Variants in FAM153A observed in about 807,000 individuals in gnomAD.
FAM153A encodes the protein family with sequence similarity 153 member A.
A neutral mutation model predicts 48.1 loss-of-function variants in FAM153A; 12 were observed. The ratio of observed to expected loss-of-function variants is 0.25; its 90% CI spans 0.16 to 0.40. The LOEUF (loss-of-function observed/expected upper bound fraction) is 0.40, where lower values mean the gene tolerates loss of function less well. Among genes scored for constraint, FAM153A ranks in the 10% least tolerant of loss-of-function variants. FAM153A has a pLI of 1.00. For missense variants in FAM153A, 111 were observed against 345.8 expected (o/e 0.32, Z 5.38); for synonymous variants, 36 against 118.2 (o/e 0.30, Z 4.51).
chr5:177,708,584 AAAAAT>A (rs1460947474), downstream of FAM153A, among the ~76,000 whole-genome samples: 1 of 151,896 alleles, frequency 6.6e-6, no homozygotes, highest in Non-Finnish European at 1.5e-5. Flanking sequence ...TCTCAAAATA[AAAAAT>A]AAAATAAAAG....
At position 177,716,601 on chromosome 5, in the gene FAM153A, TTG is replaced by T. The variant is rs1322476165; in HGVS notation, c.*1152-188_*1152-187del. The stretch of plus-strand genomic sequence containing the variant: ...GTCCTGACCAAGTTCCCCCAGAAAT[TTG>T]TGAGTATTCAACTGTATTAAAACTA... On this transcript the variant is annotated intron_variant and NMD_transcript_variant, in intron 24 of 26. Coordinates refer to the FAM153A transcript ENST00000360669. Among the ~76,000 whole-genome samples the T allele has an allele frequency of 3.3e-5, 5 of 151,840 alleles. No homozygotes were observed. In the East Asian group the frequency reaches 5.8e-4, roughly 18 times the overall value.
the FAM153A span, among the ~76,000 whole-genome samples, chr5:177,701,915 T>G: frequency 1.3e-5 from 2 of 151,284 alleles, no homozygotes; most frequent in African/African-American, 4.9e-5. Context: ...AGGTCACTTT[T>G]TTTTTTTTTT....
rs543999452 is a variant in FAM153A, at chr5:177,764,513, G to A, written c.-56-15814C>T. On this transcript the variant is annotated intron_variant, in intron 1 of 8. Transcript: ENST00000393518. ...AACACCTGCGCTAGCCCCAGTGAGG[G>A]AAGCTGGGAAAACCTGGGCTGGGCC... 2.8e-4 allele frequency among the ~76,000 whole-genome samples: 38 copies of A among 133,680 alleles called. 1 individual carries two copies. The highest frequency in any genetic ancestry group is 2.8e-3 in the Admixed American group (36 of 12,966). 87.7% of individuals were successfully genotyped at this position (133,680 alleles called of 152,430 possible). A position where few individuals can be genotyped will look rare whatever the true frequency, so the allele number is the denominator to read the frequency against.
At chr5:177,697,165 A>AT in the FAM153A span, among the ~76,000 whole-genome samples, 3 of 151,026 alleles carry the variant, frequency 2.0e-5, no homozygotes, top group Non-Finnish European at 4.4e-5. Flanking sequence ...AAAGAAGTGC[A>AT]TTTTTTGTAA....
At position 177,716,964 on chromosome 5, in the gene FAM153A, A is replaced by AGTGTGTGTGTGTGTGTGTGTGTGTGT. The variant is rs59312087; in HGVS notation, c.*1151+173_*1151+198dup. Among the ~76,000 whole-genome samples, 26 of 127,714 alleles carry AGTGTGTGTGTGTGTGTGTGTGTGTGT rather than the reference A, an allele frequency of 2.0e-4. No homozygotes were observed. In the East Asian group the frequency reaches 2.5e-3, roughly 12 times the overall value. 83.8% of individuals were successfully genotyped at this position (127,714 alleles called of 152,430 possible). A position where few individuals can be genotyped will look rare whatever the true frequency, so the allele number is the denominator to read the frequency against. ...CAGTAGCATGCCACCATTCCCGCTT[A>AGTGTGTGTGTGTGTGTGTGTGTGTGT]GTGTGTGTGTGTGTGTGTGTGTGTG... On this transcript the variant is annotated intron_variant and NMD_transcript_variant, in intron 24 of 26. Coordinates refer to the FAM153A transcript ENST00000360669.
At chr5:177,757,472 T>C, upstream of FAM153A, among the ~76,000 whole-genome samples, 1 of 123,216 alleles carries the variant, frequency 8.1e-6, no homozygotes. Flanking sequence ...CTCTAACTCA[T>C]TTTATGAGGC....
chr5:177,694,628 G>A, the FAM153A span, among the ~76,000 whole-genome samples: 3 of 76,420 alleles, frequency 3.9e-5, no homozygotes, highest in Non-Finnish European at 7.7e-5. Flanking sequence ...ATAGGATGGC[G>A]CTTGTGCTGT....
At chr5:177,756,216 A>G (rs1197553731), upstream of FAM153A, among the ~76,000 whole-genome samples, 1 of 150,354 alleles carries the variant, frequency 6.7e-6, no homozygotes, top group Non-Finnish European at 1.5e-5. Flanking sequence ...CTTTAAACCA[A>G]CAAAGATCAA....
At chr5:177,755,314 T>C (rs1305681990), upstream of FAM153A, among the ~76,000 whole-genome samples, 1 of 151,612 alleles carries the variant, frequency 6.6e-6, no homozygotes, top group African/African-American at 2.4e-5. Flanking sequence ...AAACAAAGCC[T>C]CCAAGAAATA....
chr5:177,712,137 C>T (rs1758583225), exon 27 of FAM153A: 2 of 151,628 alleles, frequency 1.3e-5, no homozygotes, highest in Non-Finnish European at 2.9e-5. Flanking sequence ...TCTGAAGAGA[C>T]ATCTGAACAA....
At chr5:177,702,810 A>G in the FAM153A span, among the ~76,000 whole-genome samples, 9 of 151,900 alleles carry the variant, frequency 5.9e-5, no homozygotes, top group African/African-American at 1.7e-4. Context: ...ATGTGGTAAT[A>G]TGCCTGTGAG....
chr5:177,728,691 C>T (rs1763162798), intron 18 of FAM153A, among the ~76,000 whole-genome samples: 1 of 150,782 alleles, frequency 6.6e-6, no homozygotes, highest in Non-Finnish European at 1.5e-5. Context: ...CCTTGGCCTC[C>T]TGAGTAGCTG....
chr5:177,762,405 C>A (rs890741487), intron 1 of FAM153A, among the ~76,000 whole-genome samples: 1 of 144,456 alleles, frequency 6.9e-6, no homozygotes, highest in African/African-American at 2.5e-5. Flanking sequence ...ATATGGGGCA[C>A]CCCCTGCAGT....
chr5:177,700,558 T>C, the FAM153A span, among the ~76,000 whole-genome samples: 3 of 151,836 alleles, frequency 2.0e-5, no homozygotes, highest in African/African-American at 7.3e-5. Flanking sequence ...ATCCCAGCAC[T>C]TTGGGATGCT....
chr5:177,746,207 C>A (rs531489630), intron 4 of FAM153A, among the ~76,000 whole-genome samples: 1 of 150,732 alleles, frequency 6.6e-6, no homozygotes, highest in Non-Finnish European at 1.5e-5. Flanking sequence ...CTGTGGTGGA[C>A]GATGAATGGG....
intron 18 of FAM153A, among the ~76,000 whole-genome samples, chr5:177,725,482 A>G (rs1194162258): frequency 1.3e-5 from 2 of 150,990 alleles, no homozygotes; most frequent in Non-Finnish European, 2.9e-5. Flanking sequence ...ATTTGGAAAC[A>G]ATGGAACAGA....
downstream of FAM153A, among the ~76,000 whole-genome samples, chr5:177,719,026 G>A (rs1281821240): frequency 6.6e-5 from 10 of 151,364 alleles, no homozygotes; most frequent in South Asian, 2.1e-4. Flanking sequence ...GACTACACGC[G>A]TGCACCACCT....
chr5:177,754,928 G>T (rs1053773474), upstream of FAM153A, among the ~76,000 whole-genome samples: 3 of 151,882 alleles, frequency 2.0e-5, no homozygotes, highest in African/African-American at 7.3e-5. Flanking sequence ...AAATCAGAGT[G>T]CCTCTCCTCC....
intron 10 of FAM153A, among the ~76,000 whole-genome samples, chr5:177,737,738 T>C (rs1764901580): frequency 6.6e-6 from 1 of 151,674 alleles, no homozygotes; most frequent in African/African-American, 2.4e-5. Context: ...CAGCCTGGTT[T>C]CGAACGCCTG....
Sources: allele counts gnomAD v4.1 joint callset (sites outside exome capture counted in the v4.1 genomes callset), GRCh38; gene constraint gnomAD v4.1.1; transcripts MANE v1.5; gene names NCBI Gene and HGNC (gene_info 2026-07-23, HGNC 2026-07-21).